CLIC5: variants seen among roughly 807,000 people sequenced by gnomAD.
The protein encoded by CLIC5 is CLIC family member 5.
Under a neutral mutation model 24.7 loss-of-function variants are expected in CLIC5, and 20 were observed. The ratio of observed to expected loss-of-function variants is 0.81; its 90% CI spans 0.57 to 1.18. The LOEUF is 1.18. Ranked by LOEUF, CLIC5 falls within the 50% of genes most tolerant of loss-of-function variation. The pLI is 0.00. For synonymous variants in CLIC5, 159 were observed against 135.6 expected (o/e 1.17, Z -1.20); for missense variants, 341 against 326.1 (o/e 1.05, Z -0.35).
At chr6:45,975,103 A>G (rs1161006150) in intron 1 of CLIC5, among the ~76,000 whole-genome samples, 2 of 152,212 alleles carry the variant, frequency 1.3e-5, no homozygotes, top group Non-Finnish European at 2.9e-5. Context: ...GTGACAAAAA[A>G]AGAAAGAATA....
At chr6:45,960,156 A>G (rs553717786) in intron 1 of CLIC5, among the ~76,000 whole-genome samples, 1 of 152,310 alleles carries the variant, frequency 6.6e-6, no homozygotes, top group East Asian at 1.9e-4. Flanking sequence ...CATTCCATGA[A>G]CACACCAGAT....
At chr6:46,016,153 G>T (rs978584300), upstream of CLIC5, among the ~76,000 whole-genome samples, 1 of 128,198 alleles carries the variant, frequency 7.8e-6, no homozygotes, top group East Asian at 2.6e-4. Context: ...AAAGGGGAAG[G>T]GGAAGAGGAA....
At chr6:45,940,628 C>T (rs1764096775) in intron 4 of CLIC5, among the ~76,000 whole-genome samples, 1 of 152,198 alleles carries the variant, frequency 6.6e-6, no homozygotes, top group Non-Finnish European at 1.5e-5. Flanking sequence ...CACAAAGATT[C>T]ATGGAGCACT....
intron 1 of CLIC5, among the ~76,000 whole-genome samples, chr6:46,050,630 G>T (rs1768076511): frequency 6.6e-6 from 1 of 152,148 alleles, no homozygotes; most frequent in South Asian, 2.1e-4. Flanking sequence ...GATGTTATTT[G>T]AATACTAAAT....
At chr6:46,129,143 C>T in the CLIC5 span, among the ~76,000 whole-genome samples, 1 of 152,124 alleles carries the variant, frequency 6.6e-6, no homozygotes, top group African/African-American at 2.4e-5. Flanking sequence ...AAAGAAAATA[C>T]CTTCTGGAGC....
intron 4 of CLIC5, among the ~76,000 whole-genome samples, chr6:45,925,125 C>T (rs1016737259): frequency 6.6e-6 from 1 of 152,132 alleles, no homozygotes; most frequent in Non-Finnish European, 1.5e-5. Flanking sequence ...AAGCAAATTC[C>T]TCTTAAGAAG....
At chr6:46,011,387 G>A (rs1229851800) in intron 1 of CLIC5, among the ~76,000 whole-genome samples, 1 of 152,218 alleles carries the variant, frequency 6.6e-6, no homozygotes, top group Non-Finnish European at 1.5e-5. Flanking sequence ...CTCTGATTAT[G>A]ACTCAGTGGC....
chr6:46,100,076 T>C, the CLIC5 span, among the ~76,000 whole-genome samples: 2 of 152,064 alleles, frequency 1.3e-5, no homozygotes, highest in Admixed American at 6.5e-5. Context: ...GCTATTTAGG[T>C]CCCAGTTTTA....
At chr6:46,117,289 G>A in the CLIC5 span, among the ~76,000 whole-genome samples, 3 of 152,114 alleles carry the variant, frequency 2.0e-5, no homozygotes, top group African/African-American at 4.8e-5. Context: ...GAGACACCCA[G>A]TGCCTGTGAG....
At chr6:46,081,465 A>G (rs1762918780), upstream of CLIC5, among the ~76,000 whole-genome samples, 2 of 152,214 alleles carry the variant, frequency 1.3e-5, no homozygotes, top group Admixed American at 1.3e-4. Context: ...TATTGTATCC[A>G]GGAATCTTCT....
chr6:46,120,802 C>T, the CLIC5 span, among the ~76,000 whole-genome samples: 8 of 151,932 alleles, frequency 5.3e-5, no homozygotes, highest in Non-Finnish European at 7.4e-5. Flanking sequence ...CTTCAGTAGC[C>T]GATTCGATCA....
At chr6:46,125,568 A>G in the CLIC5 span, among the ~76,000 whole-genome samples, 1 of 151,998 alleles carries the variant, frequency 6.6e-6, no homozygotes, top group Non-Finnish European at 1.5e-5. Context: ...TAGAACTTAA[A>G]GTATAATTAA....
intron 4 of CLIC5, among the ~76,000 whole-genome samples, chr6:45,924,604 A>G (rs113702362): frequency 6.6e-6 from 1 of 152,172 alleles, no homozygotes; most frequent in Non-Finnish European, 1.5e-5. Context: ...TCCAGCACCA[A>G]AGGAGAATTT....
chr6:45,976,247 A>G (rs1295249632), intron 1 of CLIC5, among the ~76,000 whole-genome samples: 1 of 152,196 alleles, frequency 6.6e-6, no homozygotes, highest in Admixed American at 6.5e-5. Context: ...TATGTTTTTC[A>G]TGTCTTGGGA....
intron 1 of CLIC5, among the ~76,000 whole-genome samples, chr6:46,025,100 A>C (rs889555712): frequency 5.4e-4 from 82 of 152,296 alleles, no homozygotes; most frequent in African/African-American, 1.9e-3. Flanking sequence ...ACTGAGATCC[A>C]GAAATTCTGA....
At chr6:46,058,017 C>T (rs192111272) in intron 1 of CLIC5, among the ~76,000 whole-genome samples, 2 of 152,234 alleles carry the variant, frequency 1.3e-5, no homozygotes, top group East Asian at 3.9e-4. Context: ...TTTCTCCCTG[C>T]CCCTGAAAGA....
chr6:45,998,973 A>T (rs1421048975), intron 1 of CLIC5, among the ~76,000 whole-genome samples: 1 of 152,200 alleles, frequency 6.6e-6, no homozygotes, highest in Non-Finnish European at 1.5e-5. Flanking sequence ...TTTAAGGTCT[A>T]AGACATTCAC....
chr6:46,053,504 G>A (rs889292323), intron 1 of CLIC5, among the ~76,000 whole-genome samples: 3 of 152,142 alleles, frequency 2.0e-5, no homozygotes, highest in Admixed American at 6.5e-5. Context: ...TATTGCTCAG[G>A]CCTATACTGA....
intron 3 of CLIC5, 95 bp from the exon 4 acceptor site, chr6:45,941,748 C>T (rs987334419): frequency 2.1e-6 from 2 of 932,904 alleles, no homozygotes; most frequent in Non-Finnish European, 3.5e-6. Context: ...ACTTCCCTTT[C>T]CAGCTGCATC....
Sources: gnomAD v4.1 joint callset for allele counts (sites outside exome capture counted in the v4.1 genomes callset) on GRCh38, gnomAD v4.1.1 for gene constraint, MANE v1.5 for transcripts, NCBI Gene and HGNC (gene_info 2026-07-23, HGNC 2026-07-21) for gene names.